Variants in ASCC3 observed in about 807,000 individuals in gnomAD.
The protein encoded by ASCC3 is ASC-1 complex subunit P200.
A neutral mutation model predicts 256.3 loss-of-function variants in ASCC3; 158 were observed. The observed-to-expected ratio is 0.62, with a 90% CI of 0.54 to 0.70. The LOEUF is 0.70. ASCC3 is among the 30% of genes least tolerant of loss of function. The pLI is 0.00. For missense variants in ASCC3, 2,259 were observed against 2,626.0 expected (o/e 0.86, Z 3.05); for synonymous variants, 948 against 883.4 (o/e 1.07, Z -1.30).
At chr6:100,667,240 T>A (rs1776521079) in intron 14 of ASCC3, among the ~76,000 whole-genome samples, 1 of 152,120 alleles carries the variant, frequency 6.6e-6, no homozygotes, top group African/African-American at 2.4e-5. Flanking sequence ...GAAACGTGAG[T>A]CTTGAAGGAC....
At chr6:100,661,671 G>C (rs1776226982) in intron 16 of ASCC3, 135 bp downstream of exon 16, 2 of 841,404 alleles carry the variant, frequency 2.4e-6, no homozygotes, top group Non-Finnish European at 3.9e-6. Context: ...CATTCACCCT[G>C]TTTTGTCTTA....
chr6:100,673,701 A>T (rs944573826), intron 14 of ASCC3, among the ~76,000 whole-genome samples: 22 of 152,196 alleles, frequency 1.4e-4, no homozygotes, highest in African/African-American at 5.3e-4. Flanking sequence ...CTTGATTGGA[A>T]GAAAGTGAAT....
At chr6:100,586,460 G>A (rs1771689726) in intron 36 of ASCC3, among the ~76,000 whole-genome samples, 2 of 152,122 alleles carry the variant, frequency 1.3e-5, no homozygotes, top group East Asian at 1.9e-4. Flanking sequence ...GGGTGGGAGC[G>A]ACCCGATTTT....
At chr6:100,775,603 T>C (rs1782149482) in intron 8 of ASCC3, among the ~76,000 whole-genome samples, 2 of 152,076 alleles carry the variant, frequency 1.3e-5, no homozygotes, top group Admixed American at 6.6e-5. Context: ...AAAATCTTTA[T>C]AATATTATTG....
chr6:100,572,202 C>A (rs985698367), intron 36 of ASCC3, among the ~76,000 whole-genome samples: 1 of 152,056 alleles, frequency 6.6e-6, no homozygotes, highest in Non-Finnish European at 1.5e-5. Context: ...GTCATGAAAG[C>A]AGAACTCTCA....
chr6:100,869,648 C>A (rs1014830387), intron 1 of ASCC3, among the ~76,000 whole-genome samples: 1 of 151,898 alleles, frequency 6.6e-6, no homozygotes, highest in Non-Finnish European at 1.5e-5. Flanking sequence ...ATAGATAATG[C>A]AGGATAAATA....
At chr6:100,704,768 T>C (rs867575349) in intron 13 of ASCC3, among the ~76,000 whole-genome samples, 2 of 151,994 alleles carry the variant, frequency 1.3e-5, no homozygotes, top group South Asian at 2.1e-4. Context: ...TCACAAGGCC[T>C]TTTATTCCTT....
Position 100,549,733 on chromosome 6 carries a change from T to A in ASCC3, c.5551-9346A>T, listed in dbSNP as rs925071777. ...ATGACTCAGAAATCTAAAAAAAAAA[T>A]TTTCCTTCAAGGAAATTAAAATAAT... On this transcript the variant is annotated intron_variant, in intron 36 of 41. Transcript: ENST00000369162. Among the ~76,000 whole-genome samples, 32 of 151,692 alleles carry A rather than the reference T, an allele frequency of 2.1e-4. 1 individual carries two copies. Among genetic ancestry groups the A allele is most frequent in the African/African-American group, 6.8e-4 (28 of 41,342 alleles).
At chr6:100,717,514 G>A (rs1779137716) in intron 12 of ASCC3, among the ~76,000 whole-genome samples, 1 of 151,802 alleles carries the variant, frequency 6.6e-6, no homozygotes, top group Non-Finnish European at 1.5e-5. Flanking sequence ...AGTGTGAATA[G>A]TATAGGTAGT....
chr6:100,589,451 T>A (rs2114770978), intron 36 of ASCC3, among the ~76,000 whole-genome samples, 183 bp downstream of exon 36: 1 of 152,226 alleles, frequency 6.6e-6, no homozygotes, highest in East Asian at 1.9e-4. Context: ...CAAGTTTGGA[T>A]CATAAATTAT....
chr6:100,822,496 C>G (rs1771096274), intron 4 of ASCC3, among the ~76,000 whole-genome samples: 1 of 148,912 alleles, frequency 6.7e-6, no homozygotes, highest in African/African-American at 2.5e-5. Context: ...AAGATCGCGC[C>G]ACTGCACTCC....
chr6:100,800,908 A>G (rs1283415717), intron 5 of ASCC3, among the ~76,000 whole-genome samples: 1 of 151,896 alleles, frequency 6.6e-6, no homozygotes, highest in Admixed American at 6.6e-5. Context: ...TTTCCCTATT[A>G]GACATAAATT....
At position 100,848,545 on chromosome 6, in the gene ASCC3, T is replaced by A; in HGVS notation, c.404A>T (p.Asn135Ile). The A allele has an allele frequency of 6.2e-7, 1 of 1,614,048 alleles. No homozygotes were observed. ...SSATAACNAT[N>I]RIISHFSQDD... is the part of the protein sequence containing the mutation. ...TTGACTAAAATGAGAAATAATTCGA[T>A]TAGTAGCATTACAAGCTGCAGTGGC... The change falls in exon 4 of 42, where the codon AAT becomes ATT. Residue 135 changes from asparagine to isoleucine, a missense_variant. Coordinates refer to ENST00000369162, the MANE Select transcript of ASCC3 (RefSeq NM_006828.4).
chr6:100,573,072 T>C (rs143566705), intron 36 of ASCC3, among the ~76,000 whole-genome samples: 1 of 152,254 alleles, frequency 6.6e-6, no homozygotes, highest in East Asian at 1.9e-4. Flanking sequence ...TAACATAATA[T>C]TGTAGGGCTC....
At chr6:100,858,494 C>T in intron 3 of ASCC3, 6 of 786,954 alleles carry the variant, frequency 7.6e-6, no homozygotes, top group Non-Finnish European at 9.2e-6. Context: ...CCCTTCTATT[C>T]CTAGTTTGCT....
intron 10 of ASCC3, among the ~76,000 whole-genome samples, chr6:100,759,968 T>G (rs1582821364): frequency 1.3e-5 from 2 of 152,174 alleles, no homozygotes; most frequent in African/African-American, 4.8e-5. Context: ...ATTGTTGGTG[T>G]AAAGGAATGC....
rs1772843163 is a variant in ASCC3, at chr6:100,605,614, C to T, written c.5131G>A (p.Asp1711Asn). 7.6e-6 allele frequency: 12 copies of T among 1,584,396 alleles called. No individual in the cohort carries two copies. Among genetic ancestry groups the T allele is most frequent in the Non-Finnish European group, 1.0e-5 (12 of 1,153,592 alleles). The change falls in exon 33 of 42, where the codon GAC becomes AAC. Residue 1711 changes from aspartate to asparagine, a missense_variant. Transcript: ENST00000369162. Reference protein sequence around the residue: ...AVILVHDIKKDFYKKFLYEPF... With the variant: ...AVILVHDIKKNFYKKFLYEPF... ...TCATAAAGAAATTTTTTATAAAAGT[C>T]TTTCTTTATGTCATGAACTAGAATT...
At chr6:100,685,541 G>C (rs533992263) in intron 13 of ASCC3, among the ~76,000 whole-genome samples, 39 of 152,332 alleles carry the variant, frequency 2.6e-4, no homozygotes, top group African/African-American at 6.7e-4. Context: ...AGGTTATTCT[G>C]ATGCAAGTTA....
intron 36 of ASCC3, among the ~76,000 whole-genome samples, chr6:100,560,142 T>G (rs1451835400): frequency 6.6e-6 from 1 of 152,194 alleles, no homozygotes; most frequent in Non-Finnish European, 1.5e-5. Flanking sequence ...TAGTGTCTGT[T>G]TAGGCAGAAA....
Sources: gnomAD v4.1 joint callset for allele counts (sites outside exome capture counted in the v4.1 genomes callset) on GRCh38, gnomAD v4.1.1 for gene constraint, MANE v1.5 for transcripts, NCBI Gene and HGNC (gene_info 2026-07-23, HGNC 2026-07-21) for gene names.